KIAA1671: variants seen among roughly 807,000 people sequenced by gnomAD.
KIAA1671 encodes uncharacterized protein KIAA1671.
Under a neutral mutation model 131.2 loss-of-function variants are expected in KIAA1671, and 52 were observed. The observed-to-expected ratio is 0.40, with a 90% CI of 0.32 to 0.50. KIAA1671 has a LOEUF of 0.50. Ranked by LOEUF, KIAA1671 falls within the 20% of genes least tolerant of loss-of-function variation. The pLI is 0.73. For missense variants in KIAA1671, 2,360 were observed against 2,364.2 expected (o/e 1.00, Z 0.04); for synonymous variants, 1,003 against 961.6 (o/e 1.04, Z -0.80).
In KIAA1671 at chr22:25,027,993, C is replaced by CATA; in HGVS notation, c.-5_-3dup. The CATA allele has an allele frequency of 6.8e-7, 1 of 1,469,784 alleles. No individual in the cohort carries two copies. Among genetic ancestry groups the CATA allele is most frequent in the Non-Finnish European group, 9.0e-7 (1 of 1,106,610 alleles). The allele number at this position is 1,469,784 out of a possible 1,614,324, so 91.0% of individuals were successfully genotyped here. On this transcript the variant is annotated 5_prime_UTR_variant, in exon 3 of 13. Transcript: ENST00000358431. The stretch of plus-strand genomic sequence containing the variant: ...TTCCTAACCCCCATGAATCCACAAC[C>CATA]ATAACCATGGCCACGCGGGTCGAGG...
chr22:25,096,389 A>G (rs1476040090), intron 6 of KIAA1671, among the ~76,000 whole-genome samples: 2 of 151,980 alleles, frequency 1.3e-5, no homozygotes, highest in African/African-American at 4.8e-5. Context: ...GCCTGGTCTC[A>G]CTCGTCCTCA....
chr22:25,097,623 C>T (rs1930451802), intron 6 of KIAA1671, among the ~76,000 whole-genome samples: 3 of 151,994 alleles, frequency 2.0e-5, no homozygotes, highest in Non-Finnish European at 4.4e-5. Context: ...GCCTGTAGTC[C>T]CAGCTACTCG....
At chr22:25,175,525 C>G (rs751913612) in intron 8 of KIAA1671, 3 of 152,234 alleles carry the variant, frequency 2.0e-5, no homozygotes, top group Non-Finnish European at 4.4e-5. Flanking sequence ...ATTATATAAC[C>G]ATGGCCATGC....
intron 1 of KIAA1671, among the ~76,000 whole-genome samples, chr22:25,015,823 C>G (rs1352488114): frequency 2.2e-5 from 3 of 134,354 alleles, no homozygotes; most frequent in Admixed American, 1.5e-4. Flanking sequence ...TCAGAAACAC[C>G]AGATGTACCG....
rs1271763175 is a variant in KIAA1671 at position 25,003,862 on chromosome 22, G to T, written c.-207-21771G>T. On this transcript the variant is annotated intron_variant, in intron 1 of 12. Transcript: ENST00000358431. ...TTTTTTTTTTGAGCCCTGTCACCTG[G>T]GCTGGAGTATAGTGGTGAGATCTTG... 2.0e-5 allele frequency among the ~76,000 whole-genome samples: 3 copies of T among 150,730 alleles called. No individual in the cohort carries two copies. In the East Asian group the frequency reaches 5.8e-4, roughly 29 times the overall value.
chr22:24,993,637 G>C (rs62233168), intron 1 of KIAA1671, among the ~76,000 whole-genome samples: 1 of 152,278 alleles, frequency 6.6e-6, no homozygotes. Flanking sequence ...TCCATTGCCT[G>C]TCTTTTCCAC....
At chr22:24,970,250 A>G (rs1179691441) in intron 1 of KIAA1671, among the ~76,000 whole-genome samples, 2 of 152,148 alleles carry the variant, frequency 1.3e-5, no homozygotes, top group African/African-American at 2.4e-5. Flanking sequence ...CCAGGGGAGA[A>G]GGACAAGGTC....
intron 1 of KIAA1671, among the ~76,000 whole-genome samples, chr22:25,006,673 T>A (rs1196733894): frequency 2.6e-5 from 4 of 152,224 alleles, no homozygotes; most frequent in African/African-American, 7.2e-5. Context: ...ACAGTTCTGA[T>A]GGTCAGCAAG....
Position 25,015,391 on chromosome 22 carries a change from C to CG in KIAA1671, c.-207-10236dup, listed in dbSNP as rs557947974. ...CCAATTTTGGATCCAGAGAAAAACA[C>CG]GGGGGGAAACAGCAGCTTAATTAAT... On this transcript the variant is annotated intron_variant, in intron 1 of 12. Coordinates refer to ENST00000358431, the MANE Select transcript of KIAA1671 (RefSeq NM_001145206.2). Among the ~76,000 whole-genome samples the CG allele has an allele frequency of 2.6e-3, 402 of 152,044 alleles. 10 individuals are homozygous for CG. The highest frequency in any genetic ancestry group is 8.2e-3 in the African/African-American group (339 of 41,444).
rs13058669 is a variant in KIAA1671, at chr22:25,093,844, C to G, written c.4530+44480C>G. Among the ~76,000 whole-genome samples the G allele has an allele frequency of 6.2e-4, 56 of 90,598 alleles. 4 individuals carry two copies. The South Asian group carries it at 0.015, about 24-fold the overall frequency. 59.4% of individuals were successfully genotyped at this position (90,598 alleles called of 152,430 possible). ...TCTCTTTCTCTCTCTGTCTGTCTCT[C>G]TCTCTCTCTCTCTCTCTCTCTCTCT... On this transcript the variant is annotated intron_variant, in intron 6 of 12. Transcript: ENST00000358431.
chr22:25,168,976 C>CAGG (rs372022543), intron 6 of KIAA1671, among the ~76,000 whole-genome samples: 1 of 152,070 alleles, frequency 6.6e-6, no homozygotes, highest in Non-Finnish European at 1.5e-5. Context: ...GGTTTTTGAG[C>CAGG]AGGAGATGAT....
chr22:24,976,125 C>T (rs1218398269), intron 1 of KIAA1671, among the ~76,000 whole-genome samples: 2 of 152,222 alleles, frequency 1.3e-5, no homozygotes, highest in Non-Finnish European at 2.9e-5. Flanking sequence ...CGACTGCAGG[C>T]GCTTGGCCCT....
intron 6 of KIAA1671, among the ~76,000 whole-genome samples, chr22:25,165,998 C>T (rs973704183): frequency 6.6e-6 from 1 of 152,170 alleles, no homozygotes; most frequent in Non-Finnish European, 1.5e-5. Flanking sequence ...AACCCCAGCC[C>T]TTACCCGGAG....
intron 6 of KIAA1671, among the ~76,000 whole-genome samples, chr22:25,162,507 C>T (rs1048129610): frequency 6.6e-6 from 1 of 152,186 alleles, no homozygotes; most frequent in Non-Finnish European, 1.5e-5. Flanking sequence ...TTCTCTTTTT[C>T]CCATCCCCTG....
intron 1 of KIAA1671, among the ~76,000 whole-genome samples, chr22:24,990,016 G>A (rs1483774853): frequency 6.6e-6 from 1 of 152,076 alleles, no homozygotes; most frequent in Admixed American, 6.6e-5. Context: ...AGCACCAGAC[G>A]GCAGGAAAAG....
At chr22:25,035,147 T>G (rs1191223541) in intron 4 of KIAA1671, among the ~76,000 whole-genome samples, 13 of 147,676 alleles carry the variant, frequency 8.8e-5, no homozygotes, top group Admixed American at 1.4e-4. Flanking sequence ...TGGGTTCAAG[T>G]AATTCTCCTG....
chr22:24,983,370 T>C (rs1294860188), intron 1 of KIAA1671, among the ~76,000 whole-genome samples: 1 of 152,190 alleles, frequency 6.6e-6, no homozygotes, highest in Non-Finnish European at 1.5e-5. Flanking sequence ...GTTTTTTGGC[T>C]TCTAGCTGTA....
At chr22:25,148,375 T>A (rs1231658235) in intron 6 of KIAA1671, among the ~76,000 whole-genome samples, 2 of 151,452 alleles carry the variant, frequency 1.3e-5, no homozygotes, top group Non-Finnish European at 2.9e-5. Flanking sequence ...TGGGCAAAGC[T>A]GGCACAAGCC....
intron 1 of KIAA1671, among the ~76,000 whole-genome samples, chr22:25,007,253 C>T (rs1323778532): frequency 2.0e-5 from 3 of 151,694 alleles, no homozygotes; most frequent in Non-Finnish European, 4.4e-5. Context: ...TTTGGGAGGC[C>T]GAGGCGGGCG....
Sources: gnomAD v4.1 joint callset for allele counts (sites outside exome capture counted in the v4.1 genomes callset) on GRCh38, gnomAD v4.1.1 for gene constraint, MANE v1.5 for transcripts, NCBI Gene and HGNC (gene_info 2026-07-23, HGNC 2026-07-21) for gene names.